Variants in UGGT2 observed in about 807,000 individuals in gnomAD.
UGGT2 encodes the protein UDP-glucose glycoprotein glucosyltransferase 2, also known as UDP-glucose:glycoprotein glucosyltransferase 2.
In UGGT2, 180 loss-of-function variants were observed where a neutral mutation model predicts 192.1. That is an observed-to-expected ratio of 0.94 (90% CI 0.83 to 1.06). The LOEUF (loss-of-function observed/expected upper bound fraction) is 1.06. UGGT2 is among the 50% of genes least tolerant of loss of function. UGGT2 has a pLI of 0.00. For synonymous variants in UGGT2, 580 were observed against 591.0 expected (o/e 0.98, Z 0.27); for missense variants, 1,849 against 1,795.7 (o/e 1.03, Z -0.54).
At chr13:95,828,099 C>T (rs996110386) in intron 38 of UGGT2, among the ~76,000 whole-genome samples, 1 of 152,092 alleles carries the variant, frequency 6.6e-6, no homozygotes, top group Admixed American at 6.6e-5. Context: ...CCTCATTTGG[C>T]AGCCCTATGA....
Position 95,981,992 on chromosome 13 carries a change from G to C in UGGT2, c.1092+1812C>G, listed in dbSNP as rs982178877. Among the ~76,000 whole-genome samples, 5 of 152,328 alleles carry C rather than the reference G, an allele frequency of 3.3e-5. No individual in the cohort carries two copies. The East Asian group carries it at 7.7e-4, about 24-fold the overall frequency. On this transcript the variant is annotated intron_variant, in intron 10 of 38. Transcript: ENST00000376747. The stretch of plus-strand genomic sequence containing the variant: ...TTCTCTGGAAGTAGTAGGTGATCAA[G>C]AAGACTATCTGCAGTGTCATGATTA...
rs111977617 is a variant in UGGT2, at chr13:96,050,940, T to C, written c.158+2215A>G. ...ACATTGTGGCGATTCCTCAAGGATGTAGGACTAGAAATACCATTTGACCCA... is the reference window on the plus strand; with the variant it reads ...ACATTGTGGCGATTCCTCAAGGATGCAGGACTAGAAATACCATTTGACCCA... On this transcript the variant is annotated intron_variant, in intron 1 of 38. Transcript: ENST00000376747. Among the ~76,000 whole-genome samples the C allele has an allele frequency of 7.2e-4, 110 of 152,328 alleles. 1 individual carries two copies. Among genetic ancestry groups the C allele is most frequent in the African/African-American group, 2.1e-3 (89 of 41,562 alleles).
intron 38 of UGGT2, among the ~76,000 whole-genome samples, chr13:95,802,999 A>G (rs1175641701): frequency 6.6e-6 from 1 of 151,522 alleles, no homozygotes; most frequent in Non-Finnish European, 1.5e-5. Flanking sequence ...ACGCCCGGCT[A>G]ATTTTTTTGT....
intron 6 of UGGT2, among the ~76,000 whole-genome samples, chr13:95,997,566 C>A (rs1375061979): frequency 1.3e-5 from 2 of 152,054 alleles, no homozygotes; most frequent in Non-Finnish European, 2.9e-5. Flanking sequence ...TTGCTTCAAT[C>A]CGGGAGGCAG....
intron 30 of UGGT2, 72 bp from the exon 31 acceptor site, chr13:95,863,786 C>T (rs1287650129): frequency 3.3e-6 from 4 of 1,215,118 alleles, no homozygotes; most frequent in Non-Finnish European, 2.4e-6. Flanking sequence ...GAAAGTGAAA[C>T]ATATTGGGCG....
chr13:95,870,530 G>A (rs962323109), intron 29 of UGGT2, among the ~76,000 whole-genome samples: 1 of 152,196 alleles, frequency 6.6e-6, no homozygotes, highest in Admixed American at 6.5e-5. Flanking sequence ...GCCAGTTGAT[G>A]TGTTGCTGGC....
intron 31 of UGGT2, among the ~76,000 whole-genome samples, chr13:95,862,104 C>A (rs1890222949): frequency 1.3e-5 from 2 of 152,122 alleles, no homozygotes; most frequent in South Asian, 4.1e-4. Flanking sequence ...AACATACCTA[C>A]CCTCCAAATC....
At chr13:96,026,113 T>C (rs1201229057) in intron 2 of UGGT2, among the ~76,000 whole-genome samples, 1 of 151,224 alleles carries the variant, frequency 6.6e-6, no homozygotes, top group Non-Finnish European at 1.5e-5. Context: ...TGAACTTACA[T>C]ACCTAAAACA....
At chr13:95,825,711 G>T (rs1171474913) in intron 38 of UGGT2, among the ~76,000 whole-genome samples, 5 of 152,174 alleles carry the variant, frequency 3.3e-5, no homozygotes, top group African/African-American at 1.2e-4. Flanking sequence ...GACCCTCCAA[G>T]AGCACCAAGT....
chr13:95,816,619 G>C (rs1175957096), intron 38 of UGGT2, among the ~76,000 whole-genome samples: 1 of 152,202 alleles, frequency 6.6e-6, no homozygotes, highest in Non-Finnish European at 1.5e-5. Context: ...TTTCAATTTT[G>C]TGAATTCAAA....
intron 1 of UGGT2, among the ~76,000 whole-genome samples, chr13:96,044,973 T>G (rs117339173): frequency 0.015 from 2,234 of 151,990 alleles, 28 homozygotes; most frequent in Non-Finnish European, 0.02. Context: ...AAAGAGGGAA[T>G]CCTCCTGAAA....
intron 5 of UGGT2, among the ~76,000 whole-genome samples, chr13:96,007,881 A>T (rs1048867433): frequency 2.0e-5 from 3 of 152,052 alleles, no homozygotes; most frequent in African/African-American, 7.2e-5. Context: ...CTCAGATGTA[A>T]ATCTACACAT....
At chr13:95,886,138 A>C (rs935289285) in intron 26 of UGGT2, among the ~76,000 whole-genome samples, 3 of 152,210 alleles carry the variant, frequency 2.0e-5, no homozygotes, top group Non-Finnish European at 4.4e-5. Flanking sequence ...TTAACTAAAA[A>C]AGAAGAAAGA....
chr13:95,874,033 C>T (rs979772991), intron 29 of UGGT2, among the ~76,000 whole-genome samples: 2 of 152,162 alleles, frequency 1.3e-5, no homozygotes, highest in African/African-American at 4.8e-5. Context: ...AGGTCACTAG[C>T]CACTCCAGTA....
At chr13:95,929,440 G>C (rs370881460) in intron 17 of UGGT2, among the ~76,000 whole-genome samples, 1 of 152,068 alleles carries the variant, frequency 6.6e-6, no homozygotes, top group Non-Finnish European at 1.5e-5. Context: ...ACCCTTCCCT[G>C]ACTTTTTCCT....
intron 12 of UGGT2, among the ~76,000 whole-genome samples, chr13:95,967,497 G>T (rs537886711): frequency 1.2e-4 from 17 of 141,252 alleles, no homozygotes; most frequent in Non-Finnish European, 2.4e-4. Flanking sequence ...TTTTTGAGAT[G>T]GAGTCTCGCT....
At chr13:96,039,100 C>T (rs949378013) in intron 1 of UGGT2, among the ~76,000 whole-genome samples, 3 of 152,154 alleles carry the variant, frequency 2.0e-5, no homozygotes, top group Non-Finnish European at 2.9e-5. Flanking sequence ...GGGCAAATTT[C>T]CATTATGTTT....
At position 95,903,982 on chromosome 13, in the gene UGGT2, T is replaced by C. The variant is rs998938878; in HGVS notation, c.2296-922A>G. Reference sequence around the variant, plus strand: ...TAACAATACTAAACATCCTTTGATATGTTCTTTGGCTTCTTTTATGACTTG... The same window carrying C: ...TAACAATACTAAACATCCTTTGATACGTTCTTTGGCTTCTTTTATGACTTG... On this transcript the variant is annotated intron_variant, in intron 20 of 38. Coordinates refer to ENST00000376747, the MANE Select transcript of UGGT2 (RefSeq NM_020121.4). 1.2e-4 allele frequency among the ~76,000 whole-genome samples: 18 copies of C among 152,338 alleles called. 2 individuals are homozygous for C. In the South Asian group the frequency reaches 2.7e-3, roughly 23 times the overall value.
intron 38 of UGGT2, among the ~76,000 whole-genome samples, chr13:95,821,102 C>A (rs1435115278): frequency 6.6e-6 from 1 of 152,034 alleles, no homozygotes; most frequent in Non-Finnish European, 1.5e-5. Flanking sequence ...TGGGGAGATA[C>A]CTAGCAGCGG....
Sources: gnomAD v4.1 joint callset for allele counts (sites outside exome capture counted in the v4.1 genomes callset) on GRCh38, gnomAD v4.1.1 for gene constraint, MANE v1.5 for transcripts, NCBI Gene and HGNC (gene_info 2026-07-23, HGNC 2026-07-21) for gene names.